The following TOMM70 variants were observed in gnomAD, a reference collection of about 807,000 sequenced individuals.
The protein encoded by TOMM70 is translocase of outer mitochondrial membrane 70.
Under a neutral mutation model 73.6 loss-of-function variants are expected in TOMM70, and 13 were observed. The observed-to-expected ratio is 0.18, with a 90% CI of 0.11 to 0.28. The LOEUF (loss-of-function observed/expected upper bound fraction) is 0.28, where lower values mean the gene tolerates loss of function less well. TOMM70 is among the 10% of genes least tolerant of loss of function. TOMM70 has a pLI of 1.00. For missense variants in TOMM70, 609 were observed against 747.5 expected, an observed-to-expected ratio of 0.81 and a Z score of 2.16; for synonymous variants, 257 against 271.2, an observed-to-expected ratio of 0.95 and a Z score of 0.51.
At chr3:100,379,846 T>G (rs1706610183) in intron 5 of TOMM70, among the ~76,000 whole-genome samples, 1 of 152,050 alleles carries the variant, frequency 6.6e-6, no homozygotes, top group Non-Finnish European at 1.5e-5. Flanking sequence ...CTCAAACTCC[T>G]GGGCTCAAGC....
Position 100,386,918 on chromosome 3 carries a change from T to G in TOMM70, c.385A>C (p.Lys129Gln). The G allele has an allele frequency of 6.2e-7, 1 of 1,614,154 alleles. No individual in the cohort carries two copies. Among genetic ancestry groups the G allele is most frequent in the Non-Finnish European group, 8.5e-7 (1 of 1,180,014 alleles). ...NKGNKYFKAG[K>Q]YEQAIQCYTE... ...TAGCACTGAATAGCTTGTTCATATT[T>G]TCCTGCTTTAAAATATTTATTGCCT... Residue 129 changes from lysine to glutamine, a missense_variant, in exon 2 of 12, where the codon AAA (lysine) becomes CAA (glutamine). Coordinates refer to ENST00000284320, the MANE Select transcript of TOMM70 (RefSeq NM_014820.5).
rs1304077454 is a variant in TOMM70, at chr3:100,400,872, G to A, written c.78C>T (p.Gly26=). ...VPSSGSGVGG[G]GTAGPGTGGL... ...CCCCCGTGCCCGGGCCCGCAGTCCC[G>A]CCGCCGCCCACCCCACTCCCGGAGC... Residue 26 remains glycine, a synonymous_variant, in exon 1 of 12, where the codon GGC becomes GGT. Coordinates refer to ENST00000284320, the MANE Select transcript of TOMM70 (RefSeq NM_014820.5). 3 of 1,526,676 alleles carry A rather than the reference G, an allele frequency of 2.0e-6. No homozygotes were observed. The highest frequency in any genetic ancestry group is 2.8e-5 in the African/African-American group (2 of 71,430). 94.6% of individuals were successfully genotyped at this position (1,526,676 alleles called of 1,614,324 possible). A position where few individuals can be genotyped will look rare whatever the true frequency, so the allele number is the denominator to read the frequency against.
intron 5 of TOMM70, among the ~76,000 whole-genome samples, chr3:100,381,198 A>G (rs771292701): frequency 6.6e-6 from 1 of 152,126 alleles, no homozygotes; most frequent in Non-Finnish European, 1.5e-5. Context: ...TCCTTGAAAA[A>G]ATTCACTCTT....
chr3:100,381,492 G>T, intron 5 of TOMM70, 123 bp downstream of exon 5: 1 of 541,914 alleles, frequency 1.8e-6, no homozygotes, highest in Non-Finnish European at 2.9e-6. Flanking sequence ...TTATATTTCT[G>T]TCTATCTCTA....
intron 9 of TOMM70, among the ~76,000 whole-genome samples, chr3:100,371,252 C>T (rs1422760638): frequency 4.8e-5 from 7 of 145,234 alleles, no homozygotes; most frequent in South Asian, 2.2e-4. Flanking sequence ...GGTCAACCAG[C>T]GATGGTATTT....
chr3:100,388,609 TAA>T (rs1706719841), intron 1 of TOMM70, among the ~76,000 whole-genome samples: 1 of 152,038 alleles, frequency 6.6e-6, no homozygotes, highest in South Asian at 2.1e-4. Flanking sequence ...CTCTGTTTTT[TAA>T]GAGACCACAC....
intron 1 of TOMM70, among the ~76,000 whole-genome samples, chr3:100,391,187 G>T (rs1049364071): frequency 3.9e-5 from 6 of 152,060 alleles, no homozygotes; most frequent in African/African-American, 1.4e-4. Flanking sequence ...ACATATACTT[G>T]AGAATGACAA....
chr3:100,395,774 G>A (rs1317321481), intron 1 of TOMM70, among the ~76,000 whole-genome samples: 3 of 152,106 alleles, frequency 2.0e-5, no homozygotes, highest in African/African-American at 7.2e-5. Context: ...ACCTGTATTA[G>A]GTTCTGGCAA....
intron 1 of TOMM70, among the ~76,000 whole-genome samples, chr3:100,397,054 G>C (rs1706833523): frequency 6.6e-6 from 1 of 152,126 alleles, no homozygotes; most frequent in Non-Finnish European, 1.5e-5. Flanking sequence ...GACAATATTT[G>C]TCTATTTATT....
chr3:100,370,175 T>C (rs1274697361), intron 9 of TOMM70, among the ~76,000 whole-genome samples: 1 of 152,180 alleles, frequency 6.6e-6, no homozygotes, highest in Non-Finnish European at 1.5e-5. Flanking sequence ...AAAGTAGAAA[T>C]ATTTTTATAG....
chr3:100,400,767 C>A lies in TOMM70; in HGVS notation c.183G>T (p.Arg61=), dbSNP rs138465118. The A allele has an allele frequency of 0.015, 24,140 of 1,584,512 alleles. 261 individuals are homozygous for A. Among genetic ancestry groups the A allele is most frequent in the Middle Eastern group, 0.022 (125 of 5,636 alleles). ...CTCTGGCCTCCCGGCGCCGTTGCTG[C>A]CGACTCCACAGGTATATGGCACCCG... ...LGAGAIYLWS[R]QQRRREARGR... is the part of the protein sequence containing the mutation. The change falls in exon 1 of 12, where the codon CGG becomes CGT. Residue 61 remains arginine (R), a synonymous_variant. Coordinates refer to ENST00000284320, the MANE Select transcript of TOMM70 (RefSeq NM_014820.5).
chr3:100,376,048 TA>T (rs1384806923), intron 6 of TOMM70, among the ~76,000 whole-genome samples: 1 of 152,228 alleles, frequency 6.6e-6, no homozygotes, highest in Non-Finnish European at 1.5e-5. Flanking sequence ...CAATGTTTTT[TA>T]TTAGAGCCTT....
In TOMM70 at chr3:100,365,575, G is replaced by A; in HGVS notation, c.1816C>T (p.Pro606Ser). Residue 606 changes from proline (P) to serine (S), a missense_variant, in exon 12 of 12, where the codon CCA becomes TCA. Around this residue, in one of 2 missense-constraint regions of TOMM70, gnomAD observed 432 missense variants for 584.1 expected, o/e 0.74. Coordinates refer to ENST00000284320, the MANE Select transcript of TOMM70 (RefSeq NM_014820.5). ...GCTTTCCCCCTGTTTTATAATGTTG[G>A]TGGTTTTAATCCGTATTTCTTTGCA... ...EVAKKYGLKP[P>S]TL 6.2e-7 allele frequency: 1 copy of A among 1,614,166 alleles called. No homozygotes were observed. The highest frequency in any genetic ancestry group is 8.5e-7 in the Non-Finnish European group (1 of 1,180,002).
chr3:100,395,015 A>G (rs1706806350), intron 1 of TOMM70, among the ~76,000 whole-genome samples: 1 of 152,226 alleles, frequency 6.6e-6, no homozygotes, highest in African/African-American at 2.4e-5. Context: ...CTGCTTCTGC[A>G]GGATTATGAT....
intron 1 of TOMM70, among the ~76,000 whole-genome samples, chr3:100,389,973 G>A (rs565334199): frequency 3.9e-5 from 6 of 152,092 alleles, no homozygotes; most frequent in African/African-American, 4.8e-5. Context: ...TCAGGAGGCG[G>A]AGGTTGCAGT....
chr3:100,386,934 T>G lies in TOMM70; in HGVS notation c.369A>C (p.Lys123Asn), dbSNP rs1706698852. The change falls in exon 2 of 12, where the codon AAA (lysine) becomes AAC (asparagine). Residue 123 changes from lysine (K) to asparagine (N), a missense_variant. Lys to Asn is a moderately conservative substitution (Grantham distance 94, BLOSUM62 0). Coordinates refer to ENST00000284320, the MANE Select transcript of TOMM70 (RefSeq NM_014820.5). ...RAQAAKNKGN[K>N]YFKAGKYEQA... ...GTTCATATTTTCCTGCTTTAAAATA[T>G]TTATTGCCTTTATTCTTGGCTGCTT... 6.2e-7 allele frequency: 1 copy of G among 1,614,114 alleles called. No individual in the cohort carries two copies. The highest frequency in any genetic ancestry group is 1.7e-5 in the Admixed American group (1 of 60,022).
chr3:100,396,128 G>C (rs1356252157), intron 1 of TOMM70, among the ~76,000 whole-genome samples: 1 of 151,558 alleles, frequency 6.6e-6, no homozygotes, highest in Admixed American at 6.6e-5. Context: ...ATTGAAAAGT[G>C]TTAACTAAGC....
At chr3:100,388,368 G>A (rs190792230) in intron 1 of TOMM70, among the ~76,000 whole-genome samples, 1 of 152,290 alleles carries the variant, frequency 6.6e-6, no homozygotes, top group Admixed American at 6.5e-5. Context: ...ACTGGAGGAA[G>A]CAGAAATCAC....
intron 1 of TOMM70, among the ~76,000 whole-genome samples, chr3:100,390,181 T>A (rs570267222): frequency 1.3e-5 from 2 of 152,284 alleles, no homozygotes; most frequent in East Asian, 3.9e-4. Context: ...CAAGTATAAT[T>A]GAATTTATTT....
Sources: allele counts gnomAD v4.1 joint callset (sites outside exome capture counted in the v4.1 genomes callset), GRCh38; gene constraint gnomAD v4.1.1; regional missense constraint gnomAD v4.1.1; transcripts MANE v1.5; gene names NCBI Gene and HGNC (gene_info 2026-07-23, HGNC 2026-07-21).